The following CNOT6L variants were observed in gnomAD, a reference collection of about 807,000 sequenced individuals.
The protein encoded by CNOT6L is CCR4-NOT transcription complex subunit 6 like.
CNOT6L carries 7 observed loss-of-function variants against 64.0 expected under a neutral mutation model. The ratio of observed to expected loss-of-function variants is 0.11; its 90% CI spans 0.06 to 0.21. The LOEUF is 0.21. Ranked by LOEUF, CNOT6L falls within the 10% of genes least tolerant of loss-of-function variation. CNOT6L has a pLI of 1.00. For missense variants in CNOT6L, 245 were observed against 669.0 expected (o/e 0.37, Z 6.99); for synonymous variants, 193 against 243.4 (o/e 0.79, Z 1.93).
At chr4:77,819,499 G>T, upstream of CNOT6L, 1 of 1,229,576 alleles carries the variant, frequency 8.1e-7, no homozygotes, top group Non-Finnish European at 1.1e-6. Context: ...GGGAAGCCGC[G>T]GCGGCACACA....
chr4:77,792,986 G>A (rs1354131098), intron 1 of CNOT6L, among the ~76,000 whole-genome samples: 1 of 150,984 alleles, frequency 6.6e-6, no homozygotes, highest in East Asian at 1.9e-4. Context: ...GGTCACAGAT[G>A]CTGTTAAACA....
intron 4 of CNOT6L, among the ~76,000 whole-genome samples, chr4:77,768,917 C>T (rs375233249): frequency 6.6e-6 from 1 of 152,080 alleles, no homozygotes. Context: ...GATGTACAGA[C>T]CTCTACATCC....
At chr4:77,730,645 G>A (rs1186950036) in intron 9 of CNOT6L, among the ~76,000 whole-genome samples, 1 of 152,000 alleles carries the variant, frequency 6.6e-6, no homozygotes, top group Non-Finnish European at 1.5e-5. Flanking sequence ...CTTTGATAAG[G>A]AATAAATTGA....
chr4:77,746,846 T>C (rs1424551252), intron 6 of CNOT6L, among the ~76,000 whole-genome samples: 1 of 152,092 alleles, frequency 6.6e-6, no homozygotes, highest in East Asian at 1.9e-4. Flanking sequence ...TGCAACCTGA[T>C]AGTAAAAATG....
rs184049881 is a variant in CNOT6L, at chr4:77,766,988, G to A, written c.400+6093C>T. ...TGAGGCAGGAGAATCGTTTGAACCC[G>A]GGAGGCAGTGGTTGCAGTGAGCCAA... On this transcript the variant is annotated intron_variant, in intron 4 of 11. Transcript: ENST00000504123. 9.4e-5 allele frequency among the ~76,000 whole-genome samples: 14 copies of A among 149,464 alleles called. No individual in the cohort carries two copies. The East Asian group carries it at 2.0e-3, about 21-fold the overall frequency.
Position 77,817,947 on chromosome 4 carries a change from T to C in CNOT6L, c.5+1357A>G, listed in dbSNP as rs114957072. On this transcript the variant is annotated intron_variant, in intron 1 of 11. Transcript: ENST00000504123. ...GCACATTAGCAAATAATTATCCAAA[T>C]GCCATTTGTATTTGGTTCTGAAATG... 6.8e-3 allele frequency among the ~76,000 whole-genome samples: 1,034 copies of C among 152,336 alleles called. 12 individuals are homozygous for C. The highest frequency in any genetic ancestry group is 0.024 in the African/African-American group (1,005 of 41,576).
intron 11 of CNOT6L, among the ~76,000 whole-genome samples, chr4:77,721,080 C>G (rs1192310343): frequency 6.6e-6 from 1 of 152,078 alleles, no homozygotes; most frequent in African/African-American, 2.4e-5. Flanking sequence ...ATCAAGATAT[C>G]CAAACACACC....
At chr4:77,811,745 A>T (rs963996510) in intron 1 of CNOT6L, among the ~76,000 whole-genome samples, 2 of 151,940 alleles carry the variant, frequency 1.3e-5, no homozygotes, top group Non-Finnish European at 2.9e-5. Context: ...CACTCACACA[A>T]ACAAACACTC....
rs375424764 is a variant in CNOT6L at position 77,778,660 on chromosome 4, CTCCCAAAGTGCTGGGATTACAGGCA to C, written c.6-2293_6-2269del. On this transcript the variant is annotated intron_variant, in intron 1 of 11. Transcript: ENST00000504123. ...GACCTTGTGATCCGCCCGCCTTGGC[CTCCCAAAGTGCTGGGATTACAGGCA>C]TCCCAAAGTGCTGGGATTACAGGCG... Among the ~76,000 whole-genome samples, 924 of 152,052 alleles carry C rather than the reference CTCCCAAAGTGCTGGGATTACAGGCA, an allele frequency of 6.1e-3. 11 individuals carry two copies. Among genetic ancestry groups the C allele is most frequent in the African/African-American group, 0.019 (796 of 41,528 alleles).
At chr4:77,741,868 T>C (rs1229654203) in intron 8 of CNOT6L, among the ~76,000 whole-genome samples, 3 of 152,202 alleles carry the variant, frequency 2.0e-5, no homozygotes, top group Non-Finnish European at 4.4e-5. Flanking sequence ...CTTTACTTCA[T>C]GAAAATATGT....
At chr4:77,774,472 C>T in intron 3 of CNOT6L, 58 bp downstream of exon 3, 2 of 1,345,314 alleles carry the variant, frequency 1.5e-6, no homozygotes, top group Non-Finnish European at 2.0e-6. Flanking sequence ...GTAACATCCC[C>T]TCATTTTCTT....
At chr4:77,760,438 T>C (rs1289164583) in intron 4 of CNOT6L, among the ~76,000 whole-genome samples, 1 of 151,764 alleles carries the variant, frequency 6.6e-6, no homozygotes, top group Non-Finnish European at 1.5e-5. Flanking sequence ...TCAAAATTTG[T>C]AGGATATGGA....
chr4:77,812,666 A>G (rs1444796782), intron 1 of CNOT6L, among the ~76,000 whole-genome samples: 1 of 152,084 alleles, frequency 6.6e-6, no homozygotes, highest in African/African-American at 2.4e-5. Context: ...AACACTGTTG[A>G]CACTTAAAGA....
chr4:77,780,582 G>T (rs895390715), intron 1 of CNOT6L, among the ~76,000 whole-genome samples: 1 of 152,104 alleles, frequency 6.6e-6, no homozygotes, highest in Non-Finnish European at 1.5e-5. Context: ...TCCTACAAAG[G>T]CCTCAGAGAC....
rs67321338 is a variant in CNOT6L at position 77,801,690 on chromosome 4, TGGG to T, written c.5+17611_5+17613del. Among the ~76,000 whole-genome samples the T allele has an allele frequency of 1.7e-4, 9 of 52,070 alleles. 1 individual carries two copies. The highest frequency in any genetic ancestry group is 2.7e-4 in the Non-Finnish European group (8 of 29,202). 34.2% of individuals were successfully genotyped at this position (52,070 alleles called of 152,430 possible). A position where few individuals can be genotyped will look rare whatever the true frequency, so the allele number is the denominator to read the frequency against. ...AGTTATTTTACCAGAAGATAAAAAT[TGGG>T]GGGGGGGGAGAATGAAACATTTTAT... On this transcript the variant is annotated intron_variant, in intron 1 of 11. Transcript: ENST00000504123.
At chr4:77,776,950 G>A (rs1396693623) in intron 1 of CNOT6L, among the ~76,000 whole-genome samples, 4 of 152,122 alleles carry the variant, frequency 2.6e-5, no homozygotes, top group East Asian at 3.9e-4. Flanking sequence ...TGGCAGCCAC[G>A]CAACAACGAT....
chr4:77,730,113 T>C (rs1275088091), intron 9 of CNOT6L, among the ~76,000 whole-genome samples: 1 of 152,090 alleles, frequency 6.6e-6, no homozygotes, highest in Non-Finnish European at 1.5e-5. Context: ...TATTGGAATA[T>C]AAGCTTTGGG....
At position 77,742,054 on chromosome 4, in the gene CNOT6L, T is replaced by C. The variant is rs903003817; in HGVS notation, c.872+87A>G. On this transcript the variant is annotated intron_variant, in intron 8 of 11. Coordinates refer to ENST00000504123, the MANE Select transcript of CNOT6L (RefSeq NM_144571.3). ...ACTTGTTTTCTAGCTTTCTGTTGATTTTATAGGGCAAAACCAAAGACAATT... is the reference window on the plus strand; with the variant it reads ...ACTTGTTTTCTAGCTTTCTGTTGATCTTATAGGGCAAAACCAAAGACAATT... 3 of 1,273,526 alleles carry C rather than the reference T, an allele frequency of 2.4e-6. No individual in the cohort carries two copies. The African/African-American group carries it at 4.5e-5, about 19-fold the overall frequency. The allele number at this position is 1,273,526 out of a possible 1,614,324, so 78.9% of individuals were successfully genotyped here. A position where few individuals can be genotyped will look rare whatever the true frequency, so the allele number is the denominator to read the frequency against.
chr4:77,787,599 G>C (rs180927101), intron 1 of CNOT6L, among the ~76,000 whole-genome samples: 1 of 152,232 alleles, frequency 6.6e-6, no homozygotes, highest in African/African-American at 2.4e-5. Context: ...CATTCAGTTA[G>C]CACAAGACTC....
Sources: allele counts gnomAD v4.1 joint callset (sites outside exome capture counted in the v4.1 genomes callset), GRCh38; gene constraint gnomAD v4.1.1; transcripts MANE v1.5; gene names NCBI Gene and HGNC (gene_info 2026-07-23, HGNC 2026-07-21).